AFF3: variants seen among roughly 807,000 people sequenced by gnomAD.
AFF3 encodes the protein AF4/FMR2 family member 3.
In AFF3, 32 loss-of-function variants were observed where a neutral mutation model predicts 129.7. The ratio of observed to expected loss-of-function variants is 0.25; its 90% CI spans 0.19 to 0.33. The LOEUF (loss-of-function observed/expected upper bound fraction) is 0.33, where lower values mean the gene tolerates loss of function less well. Among genes scored for constraint, AFF3 ranks in the 10% least tolerant of loss-of-function variants. The probability of loss-of-function intolerance (pLI) is 1.00; values close to 1 mark genes in which losing one functional copy is unlikely to be tolerated. For synonymous variants in AFF3, 644 were observed against 635.4 expected (o/e 1.01, Z -0.20); for missense variants, 1,373 against 1,592.0 (o/e 0.86, Z 2.34).
chr2:99,744,700 T>C (rs891187681), intron 9 of AFF3, among the ~76,000 whole-genome samples: 1 of 152,228 alleles, frequency 6.6e-6, no homozygotes. Context: ...ATCCACTCTG[T>C]AGCATGTATC....
At chr2:99,671,569 T>C (rs1687146539) in intron 12 of AFF3, among the ~76,000 whole-genome samples, 2 of 152,200 alleles carry the variant, frequency 1.3e-5, no homozygotes, top group Non-Finnish European at 2.9e-5. Context: ...TGTAAGTTAT[T>C]TGTATTTGCA....
intron 13 of AFF3, among the ~76,000 whole-genome samples, chr2:99,643,329 A>G (rs1684392083): frequency 6.6e-6 from 1 of 152,106 alleles, no homozygotes; most frequent in Admixed American, 6.5e-5. Flanking sequence ...AAGTGCTGGG[A>G]TTACAGGCAT....
intron 13 of AFF3, among the ~76,000 whole-genome samples, chr2:99,638,579 T>G (rs1489783537): frequency 2.0e-5 from 3 of 152,114 alleles, no homozygotes; most frequent in Admixed American, 6.5e-5. Context: ...ACAGAGGATC[T>G]AAGTAACTTG....
chr2:99,556,102 G>T (rs1674890985), intron 22 of AFF3, among the ~76,000 whole-genome samples: 2 of 152,182 alleles, frequency 1.3e-5, no homozygotes, highest in Admixed American at 1.3e-4. Context: ...AACACTAATG[G>T]CAGAAGGGGA....
chr2:100,137,285 T>C (rs1413084360), intron 1 of AFF3, among the ~76,000 whole-genome samples: 4 of 152,226 alleles, frequency 2.6e-5, no homozygotes, highest in Non-Finnish European at 5.9e-5. Flanking sequence ...GGAATGACTG[T>C]AGCCACACAT....
chr2:100,087,407 A>G (rs1284420108), intron 4 of AFF3, among the ~76,000 whole-genome samples: 2 of 152,192 alleles, frequency 1.3e-5, no homozygotes, highest in Admixed American at 1.3e-4. Context: ...AATGACTTGC[A>G]CAAGATCAGG....
chr2:99,771,570 CA>C (rs1558834802), intron 8 of AFF3, among the ~76,000 whole-genome samples: 1 of 152,118 alleles, frequency 6.6e-6, no homozygotes, highest in African/African-American at 2.4e-5. Context: ...CCAACAAAAG[CA>C]TTTTAAAGGT....
intron 10 of AFF3, among the ~76,000 whole-genome samples, chr2:99,741,592 A>G (rs1423890631): frequency 1.3e-5 from 2 of 152,358 alleles, no homozygotes; most frequent in Admixed American, 6.5e-5. Flanking sequence ...ACGGAAGAAC[A>G]TTCCATGCTC....
At chr2:100,022,347 C>T (rs1683658093) in intron 4 of AFF3, among the ~76,000 whole-genome samples, 1 of 152,172 alleles carries the variant, frequency 6.6e-6, no homozygotes, top group African/African-American at 2.4e-5. Context: ...ATGAAGTCTA[C>T]TCTAACAATG....
chr2:99,583,957 C>A (rs1313659281), intron 16 of AFF3, among the ~76,000 whole-genome samples: 1 of 151,852 alleles, frequency 6.6e-6, no homozygotes, highest in East Asian at 2.0e-4. Flanking sequence ...CCTGCCTCGG[C>A]CTCCCAAAGT....
At chr2:99,899,641 C>T (rs924761460) in intron 7 of AFF3, among the ~76,000 whole-genome samples, 2 of 152,194 alleles carry the variant, frequency 1.3e-5, no homozygotes, top group African/African-American at 4.8e-5. Context: ...TACCTGAACG[C>T]CACACAATTG....
chr2:100,045,685 T>C (rs1394159332), intron 4 of AFF3, among the ~76,000 whole-genome samples: 1 of 152,012 alleles, frequency 6.6e-6, no homozygotes, highest in Non-Finnish European at 1.5e-5. Flanking sequence ...ACCCTTCTTC[T>C]TCCTCTTCAG....
chr2:99,966,054 C>T (rs59653334), intron 7 of AFF3, among the ~76,000 whole-genome samples: 1,992 of 152,160 alleles, frequency 0.013, 54 homozygotes, highest in African/African-American at 0.046. Flanking sequence ...AAAATTATTA[C>T]AATAGACAAT....
At chr2:99,733,224 A>G (rs906299826) in intron 10 of AFF3, among the ~76,000 whole-genome samples, 2 of 151,962 alleles carry the variant, frequency 1.3e-5, no homozygotes, top group African/African-American at 4.8e-5. Flanking sequence ...CTAAAAATAT[A>G]AAAAATTAGC....
chr2:100,103,763 G>T, intron 4 of AFF3, among the ~76,000 whole-genome samples: 1 of 151,996 alleles, frequency 6.6e-6, no homozygotes, highest in Non-Finnish European at 1.5e-5. Context: ...CTGTGACGAG[G>T]TGTGAAGAAA....
In AFF3 at chr2:100,105,506, G is replaced by C; in HGVS notation, c.-67C>G. 1 of 1,330,556 alleles carries C rather than the reference G, an allele frequency of 7.5e-7. No individual in the cohort carries two copies. Among genetic ancestry groups the C allele is most frequent in the Non-Finnish European group, 1.0e-6 (1 of 1,004,258 alleles). 82.4% of individuals were successfully genotyped at this position (1,330,556 alleles called of 1,614,324 possible). A position where few individuals can be genotyped will look rare whatever the true frequency, so the allele number is the denominator to read the frequency against. The stretch of plus-strand genomic sequence containing the variant: ...CCTCCTTTCTTTTTATTTCTCACCG[G>C]GAAGGGGGACAAACTGGCCTCTGGG... On this transcript the variant is annotated splice_region_variant and 5_prime_UTR_variant, in exon 3 of 25. Coordinates refer to ENST00000672756, the MANE Select transcript of AFF3 (RefSeq NM_001386135.1).
chr2:99,844,202 C>A (rs1689537697), intron 7 of AFF3, among the ~76,000 whole-genome samples: 2 of 152,062 alleles, frequency 1.3e-5, no homozygotes, highest in East Asian at 3.9e-4. Context: ...CGAAGAGGAG[C>A]AAACCACAAA....
chr2:99,797,878 A>G (rs1426309528), intron 8 of AFF3, among the ~76,000 whole-genome samples: 1 of 152,172 alleles, frequency 6.6e-6, no homozygotes, highest in African/African-American at 2.4e-5. Context: ...AAAGTTCATA[A>G]CCAGCAGATC....
At chr2:99,592,943 C>CAAAA (rs57943865) in intron 15 of AFF3, among the ~76,000 whole-genome samples, 11 of 123,012 alleles carry the variant, frequency 8.9e-5, no homozygotes, top group Non-Finnish European at 1.4e-4. Flanking sequence ...CCCCCCCCCC[C>CAAAA]AAAAAAAGGG....
Sources: gnomAD v4.1 joint callset for allele counts (sites outside exome capture counted in the v4.1 genomes callset) on GRCh38, gnomAD v4.1.1 for gene constraint, MANE v1.5 for transcripts, NCBI Gene and HGNC (gene_info 2026-07-23, HGNC 2026-07-21) for gene names.